The following RBFOX3 variants were observed in gnomAD, a reference collection of about 807,000 sequenced individuals.
RBFOX3 encodes RNA binding protein fox-1 homolog 3.
In RBFOX3, 17 loss-of-function variants were observed where a neutral mutation model predicts 48.7. The observed-to-expected ratio is 0.35, with a 90% confidence interval of 0.24 to 0.52. RBFOX3 has a LOEUF of 0.52. RBFOX3 is among the 20% of genes least tolerant of loss of function. The pLI is 0.94. For missense variants in RBFOX3, 382 were observed against 497.5 expected, an observed-to-expected ratio of 0.77 and a Z score of 2.21; for synonymous variants, 212 against 209.5, an observed-to-expected ratio of 1.01 and a Z score of -0.10.
chr17:79,618,507 C>T, the RBFOX3 span, among the ~76,000 whole-genome samples: 2 of 152,186 alleles, frequency 1.3e-5, no homozygotes, highest in African/African-American at 4.8e-5. Context: ...GGAAGGAGGG[C>T]CGTGCTCAGC....
intron 2 of RBFOX3, among the ~76,000 whole-genome samples, chr17:79,349,362 TC>T (rs146192231): frequency 0.015 from 2,223 of 152,126 alleles, 24 homozygotes; most frequent in Non-Finnish European, 0.023. Flanking sequence ...GGGGTCACTC[TC>T]ATTTGCTGAG....
the RBFOX3 span, among the ~76,000 whole-genome samples, chr17:79,629,605 T>C: frequency 6.6e-6 from 1 of 152,196 alleles, no homozygotes; most frequent in African/African-American, 2.4e-5. Context: ...GCTTTCCAAA[T>C]GTGTTTAACC....
chr17:79,627,488 G>A, the RBFOX3 span, among the ~76,000 whole-genome samples: 1 of 152,194 alleles, frequency 6.6e-6, no homozygotes, highest in South Asian at 2.1e-4. Flanking sequence ...CTGCTAACAG[G>A]AAAGACCCCA....
intron 9 of RBFOX3, chr17:79,098,137 C>G (rs892502255): frequency 5.1e-6 from 1 of 197,014 alleles, no homozygotes; most frequent in South Asian, 1.1e-4. Context: ...TGGAGTCAGA[C>G]TCAGCACAGC....
intron 3 of RBFOX3, among the ~76,000 whole-genome samples, chr17:79,274,162 C>G (rs1346334627): frequency 1.3e-5 from 2 of 152,180 alleles, no homozygotes; most frequent in African/African-American, 4.8e-5. Flanking sequence ...CTGGTACCAC[C>G]TGTCTGGGCA....
intron 3 of RBFOX3, among the ~76,000 whole-genome samples, chr17:79,237,275 T>A (rs2061741840): frequency 2.0e-5 from 3 of 152,236 alleles, no homozygotes; most frequent in African/African-American, 7.2e-5. Context: ...ACCGTCTTCA[T>A]CCACATCACT....
intron 2 of RBFOX3, among the ~76,000 whole-genome samples, chr17:79,476,461 C>G (rs902999880): frequency 2.8e-4 from 42 of 152,288 alleles, no homozygotes; most frequent in Non-Finnish European, 1.3e-4. Flanking sequence ...GAGGCAAAGC[C>G]AAAAGCAGAT....
intron 3 of RBFOX3, among the ~76,000 whole-genome samples, chr17:79,264,222 C>T (rs1399181134): frequency 6.6e-6 from 1 of 151,566 alleles, no homozygotes; most frequent in Non-Finnish European, 1.5e-5. Context: ...ATTACAGGCA[C>T]CTGCCACCAC....
chr17:79,211,909 C>T (rs2058429393), intron 4 of RBFOX3, among the ~76,000 whole-genome samples: 1 of 152,190 alleles, frequency 6.6e-6, no homozygotes, highest in Non-Finnish European at 1.5e-5. Context: ...GCCAGGCTGA[C>T]TGCTGGGCAC....
chr17:79,429,266 G>A (rs2067983303), intron 2 of RBFOX3, among the ~76,000 whole-genome samples: 1 of 152,214 alleles, frequency 6.6e-6, no homozygotes, highest in Admixed American at 6.5e-5. Flanking sequence ...AGTGGCCAGC[G>A]ACCACACACC....
chr17:79,294,281 A>G (rs1307214443), intron 3 of RBFOX3, among the ~76,000 whole-genome samples: 2 of 151,994 alleles, frequency 1.3e-5, no homozygotes, highest in Non-Finnish European at 2.9e-5. Flanking sequence ...TCTAGCCTTG[A>G]GTGTCTGTGC....
chr17:79,517,037 G>A (rs2085343661), intron 1 of RBFOX3, among the ~76,000 whole-genome samples: 1 of 152,144 alleles, frequency 6.6e-6, no homozygotes. Flanking sequence ...GAACGTTCTG[G>A]AGGTGGATGG....
chr17:79,089,722 G>GCTCCCTGCCTCGCCAGGGGTTC lies in RBFOX3; in HGVS notation c.*1139_*1160dup, dbSNP rs1285972239. On this transcript the variant is annotated 3_prime_UTR_variant, in exon 15 of 15. Coordinates refer to ENST00000693108, the MANE Select transcript of RBFOX3 (RefSeq NM_001350451.2). ...TTTTTTGCTGCTTCCCTACTTCAGT[G>GCTCCCTGCCTCGCCAGGGGTTC]CTCCCTGCCTCGCCAGGGGTTCCTC... 3 of 152,680 alleles carry GCTCCCTGCCTCGCCAGGGGTTC rather than the reference G, an allele frequency of 2.0e-5. No homozygotes were observed. The highest frequency in any genetic ancestry group is 6.5e-5 in the Admixed American group (1 of 15,288). 9.5% of individuals were successfully genotyped at this position (152,680 alleles called of 1,614,324 possible).
chr17:79,203,370 C>T (rs530998445), intron 4 of RBFOX3, among the ~76,000 whole-genome samples: 125 of 31,252 alleles, frequency 4.0e-3, no homozygotes, highest in Middle Eastern at 0.056. Flanking sequence ...GGCGAAGGGG[C>T]GTGTAAGGAC....
At chr17:79,127,917 G>A (rs997075071) in intron 4 of RBFOX3, among the ~76,000 whole-genome samples, 6 of 152,202 alleles carry the variant, frequency 3.9e-5, no homozygotes, top group Non-Finnish European at 8.8e-5. Flanking sequence ...CCCCTGTCAC[G>A]CTGCCCCCGT....
At chr17:79,164,526 C>A (rs7209091) in intron 4 of RBFOX3, among the ~76,000 whole-genome samples, 4,973 of 152,322 alleles carry the variant, frequency 0.033, 103 homozygotes, top group Non-Finnish European at 0.046. Context: ...ATAATTAACA[C>A]CTTGGGTGCC....
intron 4 of RBFOX3, among the ~76,000 whole-genome samples, chr17:79,146,485 C>T (rs1365634343): frequency 9.2e-5 from 14 of 152,152 alleles, no homozygotes; most frequent in Non-Finnish European, 7.4e-5. Context: ...TAGTCTTAGC[C>T]CTGTTCTTTC....
In RBFOX3 at chr17:79,368,609, C is replaced by T. The variant is rs1297389489; in HGVS notation, c.-174-60785G>A. On this transcript the variant is annotated intron_variant, in intron 2 of 14. Transcript: ENST00000693108. The stretch of plus-strand genomic sequence containing the variant: ...ATGTTGCCATGAAAGACACCACTCC[C>T]TGGATTGTTACCATCCGAGAAGGTG... Among the ~76,000 whole-genome samples, 5 of 152,216 alleles carry T rather than the reference C, an allele frequency of 3.3e-5. No homozygotes were observed. In the South Asian group the frequency reaches 8.3e-4, roughly 25 times the overall value.
At chr17:79,101,728 C>A (rs1187203702) in intron 8 of RBFOX3, 84 bp from the exon 9 acceptor site, 2 of 1,246,686 alleles carry the variant, frequency 1.6e-6, no homozygotes, top group Non-Finnish European at 2.3e-6. Context: ...CGCCCTGCTC[C>A]GTTAGCCCCC....
Sources: gnomAD v4.1 joint callset for allele counts (sites outside exome capture counted in the v4.1 genomes callset) on GRCh38, gnomAD v4.1.1 for gene constraint, MANE v1.5 for transcripts, NCBI Gene and HGNC (gene_info 2026-07-23, HGNC 2026-07-21) for gene names.